Variants in PTPRN2 observed in about 807,000 individuals in gnomAD.
PTPRN2 encodes protein tyrosine phosphatase receptor type N2.
Under a neutral mutation model 118.8 loss-of-function variants are expected in PTPRN2, and 74 were observed. That is an observed-to-expected ratio of 0.62 (90% CI 0.52 to 0.76). The LOEUF (loss-of-function observed/expected upper bound fraction) is 0.76. Ranked by LOEUF, PTPRN2 falls within the 30% of genes least tolerant of loss-of-function variation. The pLI, the probability that PTPRN2 is intolerant of heterozygous loss-of-function variation, is 0.00. For synonymous variants in PTPRN2, 641 were observed against 608.0 expected, an observed-to-expected ratio of 1.05 and a Z score of -0.80; for missense variants, 1,481 against 1,394.4, an observed-to-expected ratio of 1.06 and a Z score of -0.99.
At chr7:158,288,139 C>A (rs1408530438) in intron 3 of PTPRN2, among the ~76,000 whole-genome samples, 1 of 152,102 alleles carries the variant, frequency 6.6e-6, no homozygotes, top group Non-Finnish European at 1.5e-5. Flanking sequence ...TCTTCATTTG[C>A]ATGAAATATC....
At chr7:158,502,272 TA>T (rs1290904429) in intron 1 of PTPRN2, among the ~76,000 whole-genome samples, 2 of 152,236 alleles carry the variant, frequency 1.3e-5, no homozygotes. Flanking sequence ...TTTTGTCCTA[TA>T]ATAATTCAAT....
intron 5 of PTPRN2, among the ~76,000 whole-genome samples, chr7:158,177,439 T>C (rs56104970): frequency 1.1e-3 from 164 of 152,302 alleles, no homozygotes; most frequent in African/African-American, 3.8e-3. Context: ...TTTGGAGCAC[T>C]ACTGAGATAT....
At chr7:157,982,888 G>A (rs564581424) in intron 11 of PTPRN2, among the ~76,000 whole-genome samples, 19 of 136,978 alleles carry the variant, frequency 1.4e-4, no homozygotes, top group African/African-American at 4.7e-4. Context: ...CCTAAACCCC[G>A]AGTCACAGAG....
intron 12 of PTPRN2, among the ~76,000 whole-genome samples, chr7:157,806,436 A>C (rs540307704): frequency 1.2e-4 from 18 of 152,320 alleles, no homozygotes; most frequent in African/African-American, 3.1e-4. Context: ...ATATATGTAT[A>C]TGTGTGCATG....
At chr7:157,988,665 G>A (rs1804005696) in intron 11 of PTPRN2, among the ~76,000 whole-genome samples, 1 of 152,334 alleles carries the variant, frequency 6.6e-6, no homozygotes, top group African/African-American at 2.4e-5. Flanking sequence ...GGGAACCGGG[G>A]GAGGGATGCA....
intron 11 of PTPRN2, among the ~76,000 whole-genome samples, chr7:157,969,295 A>AGACGG (rs1802155816): frequency 6.6e-6 from 1 of 152,082 alleles, no homozygotes; most frequent in Non-Finnish European, 1.5e-5. Context: ...TTCTTTGTAG[A>AGACGG]GACGGGATCT....
intron 2 of PTPRN2, among the ~76,000 whole-genome samples, chr7:158,482,211 G>A (rs2129444955): frequency 6.6e-6 from 1 of 152,342 alleles, no homozygotes; most frequent in East Asian, 1.9e-4. Flanking sequence ...AAAGGATTCA[G>A]AATATCACAT....
chr7:157,681,973 T>G (rs1196283464), intron 13 of PTPRN2, among the ~76,000 whole-genome samples: 2 of 152,224 alleles, frequency 1.3e-5, no homozygotes, highest in African/African-American at 4.8e-5. Flanking sequence ...TAAATGATAT[T>G]TTATATGCAA....
intron 2 of PTPRN2, among the ~76,000 whole-genome samples, chr7:158,387,666 G>C (rs1256869156): frequency 9.5e-6 from 1 of 104,936 alleles, no homozygotes; most frequent in African/African-American, 3.8e-5. Context: ...ACCATCTGCT[G>C]AATCTGCTGA....
chr7:158,019,851 G>A (rs905818625), intron 11 of PTPRN2, among the ~76,000 whole-genome samples: 3 of 152,206 alleles, frequency 2.0e-5, no homozygotes, highest in East Asian at 1.9e-4. Flanking sequence ...GGCTGGGGCC[G>A]CACAGACACA....
At chr7:158,090,555 A>C (rs1210454787) in intron 10 of PTPRN2, among the ~76,000 whole-genome samples, 1 of 152,242 alleles carries the variant, frequency 6.6e-6, no homozygotes, top group Non-Finnish European at 1.5e-5. Flanking sequence ...AGTTTACTAT[A>C]TATTGATAAT....
At chr7:158,064,450 A>G (rs111905414) in intron 11 of PTPRN2, among the ~76,000 whole-genome samples, 5,564 of 152,176 alleles carry the variant, frequency 0.037, 147 homozygotes, top group Non-Finnish European at 0.055. Context: ...GGTCACAGCC[A>G]TGGGGGAGCC....
At chr7:158,152,581 G>A (rs1435653754) in intron 6 of PTPRN2, among the ~76,000 whole-genome samples, 1 of 152,190 alleles carries the variant, frequency 6.6e-6, no homozygotes, top group East Asian at 1.9e-4. Context: ...GTTGAGGAAG[G>A]CAGGTCCCTG....
intron 3 of PTPRN2, among the ~76,000 whole-genome samples, chr7:158,247,171 C>T (rs1427455471): frequency 2.6e-5 from 4 of 152,184 alleles, no homozygotes; most frequent in African/African-American, 7.2e-5. Context: ...TCTCACTACA[C>T]AGAGCGTGGC....
intron 1 of PTPRN2, among the ~76,000 whole-genome samples, chr7:158,521,000 C>G (rs569154600): frequency 6.6e-6 from 1 of 152,306 alleles, no homozygotes; most frequent in Admixed American, 6.5e-5. Flanking sequence ...CAGCCACGTC[C>G]CTCTTATCTC....
chr7:158,164,442 G>A (rs1488235692), intron 6 of PTPRN2, among the ~76,000 whole-genome samples: 4 of 141,486 alleles, frequency 2.8e-5, no homozygotes, highest in Admixed American at 7.0e-5. Context: ...AGGAGGGTGC[G>A]TAGGAAGGAC....
At chr7:157,913,468 C>G (rs1393989951) in intron 11 of PTPRN2, among the ~76,000 whole-genome samples, 1 of 152,230 alleles carries the variant, frequency 6.6e-6, no homozygotes, top group African/African-American at 2.4e-5. Flanking sequence ...GCCCACATCC[C>G]TGTCTTATTT....
In PTPRN2 at chr7:157,808,484, G is replaced by C. The variant is rs931198769; in HGVS notation, c.1788+90189C>G. 6.6e-6 allele frequency among the ~76,000 whole-genome samples: 1 copy of C among 152,156 alleles called. No homozygotes were observed. Among genetic ancestry groups the C allele is most frequent in the African/African-American group, 2.4e-5 (1 of 41,428 alleles). On this transcript the variant is annotated intron_variant, in intron 12 of 22. Transcript: ENST00000389418. This position sits in a 1 kb window ranked among gnomAD's most constrained non-coding sequence, Gnocchi z 5.0. ...TTGAGCCCTGTTGTGAACTGTGCAT[G>C]TGAGGGATCCAGGTTGCACGCTCCT...
chr7:158,465,912 G>A (rs1386186797), intron 2 of PTPRN2, among the ~76,000 whole-genome samples: 1 of 152,196 alleles, frequency 6.6e-6, no homozygotes, highest in East Asian at 1.9e-4. Context: ...GCAGTCACAC[G>A]TGCTGAGCAG....
Sources: gnomAD v4.1 joint callset for allele counts (sites outside exome capture counted in the v4.1 genomes callset) on GRCh38, gnomAD v4.1.1 for gene constraint, Gnocchi (gnomAD v3.1) non-coding constraint, MANE v1.5 for transcripts, NCBI Gene and HGNC (gene_info 2026-07-23, HGNC 2026-07-21) for gene names.